The following GABRA4 variants were observed in gnomAD, a reference collection of about 807,000 sequenced individuals.
GABRA4 encodes gamma-aminobutyric acid type A receptor subunit alpha4.
A neutral mutation model predicts 49.7 loss-of-function variants in GABRA4; 12 were observed. That is an observed-to-expected ratio of 0.24 (90% CI 0.15 to 0.39). The LOEUF (loss-of-function observed/expected upper bound fraction) is 0.39, where lower values mean the gene tolerates loss of function less well. GABRA4 is among the 10% of genes least tolerant of loss of function. The pLI, the probability that GABRA4 is intolerant of heterozygous loss-of-function variation, is 1.00. For synonymous variants in GABRA4, 288 were observed against 240.2 expected (o/e 1.20, Z -1.84); for missense variants, 506 against 686.0 (o/e 0.74, Z 2.93).
chr4:46,938,784 A>C (rs915889549), intron 8 of GABRA4, among the ~76,000 whole-genome samples: 1 of 152,100 alleles, frequency 6.6e-6, no homozygotes, highest in African/African-American at 2.4e-5. Flanking sequence ...TCCACAATTA[A>C]AGACACAAGT....
chr4:46,978,485 C>T (rs962029442), intron 3 of GABRA4, among the ~76,000 whole-genome samples: 6 of 150,782 alleles, frequency 4.0e-5, no homozygotes, highest in African/African-American at 4.9e-5. Context: ...GTCAGGAGTT[C>T]GAGACCAGCC....
intron 5 of GABRA4, among the ~76,000 whole-genome samples, chr4:46,976,032 T>C (rs1723129371): frequency 6.6e-6 from 1 of 151,890 alleles, no homozygotes; most frequent in Non-Finnish European, 1.5e-5. Flanking sequence ...CGACTAAGAA[T>C]CTGAAGCAAT....
intron 2 of GABRA4, among the ~76,000 whole-genome samples, chr4:46,984,323 G>A (rs543703756): frequency 6.6e-6 from 1 of 152,042 alleles, no homozygotes; most frequent in South Asian, 2.1e-4. Context: ...CACTTGAAGG[G>A]ATACAACAAG....
chr4:46,941,747 G>A (rs1577752421), intron 8 of GABRA4, among the ~76,000 whole-genome samples: 1 of 151,986 alleles, frequency 6.6e-6, no homozygotes, highest in Admixed American at 6.6e-5. Flanking sequence ...TTCCTAGGTG[G>A]ACATAATCAG....
chr4:46,964,422 C>T (rs1722681344), intron 8 of GABRA4, among the ~76,000 whole-genome samples: 1 of 151,784 alleles, frequency 6.6e-6, no homozygotes, highest in African/African-American at 2.4e-5. Context: ...TGTACTTGGA[C>T]TGTTTGTAAC....
chr4:46,949,331 T>C (rs1346811505), intron 8 of GABRA4, among the ~76,000 whole-genome samples: 2 of 152,154 alleles, frequency 1.3e-5, no homozygotes, highest in African/African-American at 4.8e-5. Flanking sequence ...TGGAAACATT[T>C]AAATTAAATA....
intron 8 of GABRA4, among the ~76,000 whole-genome samples, chr4:46,933,703 G>T (rs561145298): frequency 1.3e-5 from 2 of 152,306 alleles, no homozygotes; most frequent in South Asian, 4.1e-4. Flanking sequence ...TGCAACTAAT[G>T]TGTCAGAGTG....
intron 8 of GABRA4, among the ~76,000 whole-genome samples, chr4:46,951,933 C>T (rs1405459607): frequency 6.6e-6 from 1 of 151,910 alleles, no homozygotes; most frequent in Admixed American, 6.6e-5. Context: ...TTCTGTGAAT[C>T]CCCTAAGAAT....
At chr4:46,951,549 TAC>T (rs1463690126) in intron 8 of GABRA4, among the ~76,000 whole-genome samples, 4 of 151,896 alleles carry the variant, frequency 2.6e-5, no homozygotes, top group Non-Finnish European at 5.9e-5. Context: ...GCTTTTTGAA[TAC>T]AGAGTCCTTG....
intron 8 of GABRA4, among the ~76,000 whole-genome samples, chr4:46,930,554 A>T (rs1047710457): frequency 5.3e-5 from 8 of 152,038 alleles, no homozygotes; most frequent in African/African-American, 1.7e-4. Context: ...TCAAGAACCA[A>T]ACTATGACCA....
chr4:46,927,049 A>T lies in GABRA4; in HGVS notation c.*1176T>A, dbSNP rs1489648891. On this transcript the variant is annotated 3_prime_UTR_variant, in exon 9 of 9. Coordinates refer to ENST00000264318, the MANE Select transcript of GABRA4 (RefSeq NM_000809.4). ...TAATATCTAGATCTATCTTGGGGAA[A>T]GCACCTGAAAAAGCCTGTGCTCAGT... 1 of 151,996 alleles carries T rather than the reference A, an allele frequency of 6.6e-6. No individual in the cohort carries two copies. The highest frequency in any genetic ancestry group is 1.5e-5 in the Non-Finnish European group (1 of 67,914). 9.4% of individuals were successfully genotyped at this position (151,996 alleles called of 1,614,324 possible).
At chr4:46,941,425 A>T (rs534019948) in intron 8 of GABRA4, among the ~76,000 whole-genome samples, 6 of 152,178 alleles carry the variant, frequency 3.9e-5, no homozygotes, top group Admixed American at 2.0e-4. Context: ...TAATAACAAT[A>T]ACTACTACTT....
intron 8 of GABRA4, among the ~76,000 whole-genome samples, chr4:46,963,556 T>C (rs903719864): frequency 1.2e-4 from 18 of 151,880 alleles, no homozygotes; most frequent in Admixed American, 3.3e-4. Context: ...TTCTGAGGCC[T>C]CCCCAGCCAT....
chr4:46,971,809 A>G (rs976014522), intron 6 of GABRA4, among the ~76,000 whole-genome samples: 1 of 150,886 alleles, frequency 6.6e-6, no homozygotes, highest in Non-Finnish European at 1.5e-5. Context: ...GTGAATTTCT[A>G]AATGTTCTTT....
chr4:46,963,068 T>C (rs577269569), intron 8 of GABRA4, among the ~76,000 whole-genome samples: 41 of 151,884 alleles, frequency 2.7e-4, no homozygotes, highest in African/African-American at 9.4e-4. Flanking sequence ...CTTAGAAGCA[T>C]GGCAACCAAA....
intron 8 of GABRA4, among the ~76,000 whole-genome samples, chr4:46,946,665 A>G (rs1438900032): frequency 1.3e-5 from 2 of 152,172 alleles, no homozygotes; most frequent in African/African-American, 4.8e-5. Flanking sequence ...GAGTCTATAC[A>G]GCCTTGATAC....
At chr4:46,985,948 G>T (rs1275010783) in intron 2 of GABRA4, among the ~76,000 whole-genome samples, 1 of 151,484 alleles carries the variant, frequency 6.6e-6, no homozygotes, top group African/African-American at 2.4e-5. Context: ...AAGAAAGAAA[G>T]AAAAACATGT....
At chr4:46,965,266 C>T (rs903343707) in intron 7 of GABRA4, 37 bp from the exon 8 acceptor site, 5 of 1,365,122 alleles carry the variant, frequency 3.7e-6, no homozygotes, top group Middle Eastern at 2.0e-4. Flanking sequence ...AAACACCTTA[C>T]CATCATTTGT....
chr4:46,937,462 G>C (rs939140424), intron 8 of GABRA4, among the ~76,000 whole-genome samples: 1 of 151,974 alleles, frequency 6.6e-6, no homozygotes, highest in Non-Finnish European at 1.5e-5. Flanking sequence ...CCACCTCAAC[G>C]TATCACTCTT....
Sources: allele counts gnomAD v4.1 joint callset (sites outside exome capture counted in the v4.1 genomes callset), GRCh38; gene constraint gnomAD v4.1.1; transcripts MANE v1.5; gene names NCBI Gene and HGNC (gene_info 2026-07-23, HGNC 2026-07-21).